The following OXCT1 variants were observed in gnomAD, a reference collection of about 807,000 sequenced individuals.
The protein encoded by OXCT1 is succinyl-CoA:3-ketoacid coenzyme A transferase 1, mitochondrial.
OXCT1 carries 27 observed loss-of-function variants against 69.6 expected under a neutral mutation model. The ratio of observed to expected loss-of-function variants is 0.39; its 90% CI spans 0.29 to 0.54. OXCT1 has a LOEUF of 0.54. Among genes scored for constraint, OXCT1 ranks in the 20% least tolerant of loss-of-function variants. The pLI, the probability that OXCT1 is intolerant of heterozygous loss-of-function variation, is 0.72. For synonymous variants in OXCT1, 202 were observed against 217.8 expected, an observed-to-expected ratio of 0.93 and a Z score of 0.64; for missense variants, 437 against 650.2, an observed-to-expected ratio of 0.67 and a Z score of 3.57.
intron 1 of OXCT1, among the ~76,000 whole-genome samples, chr5:41,866,792 G>A (rs1749999177): frequency 6.6e-6 from 1 of 152,214 alleles, no homozygotes; most frequent in African/African-American, 2.4e-5. Flanking sequence ...CTCCAATGCT[G>A]GAGGGATACT....
chr5:41,849,096 T>C (rs1319680490), intron 5 of OXCT1, among the ~76,000 whole-genome samples: 1 of 152,166 alleles, frequency 6.6e-6, no homozygotes, highest in Non-Finnish European at 1.5e-5. Flanking sequence ...TGAATCCACA[T>C]AGATCACTCT....
At chr5:41,825,940 C>G (rs141358951) in intron 7 of OXCT1, among the ~76,000 whole-genome samples, 3 of 152,262 alleles carry the variant, frequency 2.0e-5, no homozygotes, top group African/African-American at 7.2e-5. Flanking sequence ...CATCCCAAAC[C>G]AAAATATGTG....
intron 13 of OXCT1, among the ~76,000 whole-genome samples, chr5:41,786,263 G>A (rs372386219): frequency 2.6e-5 from 4 of 152,242 alleles, no homozygotes; most frequent in African/African-American, 4.8e-5. Context: ...AGAGAGGAAG[G>A]GATCAGCTTT....
intron 13 of OXCT1, among the ~76,000 whole-genome samples, chr5:41,787,919 GA>G (rs976521025): frequency 6.6e-6 from 1 of 151,884 alleles, no homozygotes; most frequent in Non-Finnish European, 1.5e-5. Context: ...CAAGCAGAAG[GA>G]AAAAAACATC....
At chr5:41,803,554 C>T (rs1482915335) in intron 9 of OXCT1, among the ~76,000 whole-genome samples, 2 of 151,972 alleles carry the variant, frequency 1.3e-5, no homozygotes, top group African/African-American at 2.4e-5. Context: ...AAGTAAAGAT[C>T]GTTTTTCATC....
chr5:41,740,056 C>T (rs182165455), intron 15 of OXCT1, among the ~76,000 whole-genome samples: 1 of 152,252 alleles, frequency 6.6e-6, no homozygotes, highest in Non-Finnish European at 1.5e-5. Flanking sequence ...TTTGTTACTA[C>T]TGCAACCAGT....
chr5:41,750,967 T>C (rs1242595151), intron 14 of OXCT1, among the ~76,000 whole-genome samples: 3 of 152,158 alleles, frequency 2.0e-5, no homozygotes, highest in Non-Finnish European at 4.4e-5. Context: ...TAAATACATA[T>C]GAAGTAAGTT....
chr5:41,810,574 T>C (rs1231283577), intron 7 of OXCT1, among the ~76,000 whole-genome samples: 1 of 152,024 alleles, frequency 6.6e-6, no homozygotes, highest in Non-Finnish European at 1.5e-5. Flanking sequence ...AACAGAAAAA[T>C]AGACACTAGG....
intron 14 of OXCT1, among the ~76,000 whole-genome samples, chr5:41,759,685 C>T (rs1744255849): frequency 6.6e-6 from 1 of 151,944 alleles, no homozygotes; most frequent in Admixed American, 6.6e-5. Context: ...AAAACAACAA[C>T]AAAAAACACA....
chr5:41,806,829 A>G (rs1003857796), intron 8 of OXCT1, among the ~76,000 whole-genome samples: 13 of 152,004 alleles, frequency 8.6e-5, no homozygotes, highest in Non-Finnish European at 1.0e-4. Context: ...GCCTTAGAAT[A>G]CCTTCAATGC....
chr5:41,781,226 C>T (rs563641071), intron 13 of OXCT1, among the ~76,000 whole-genome samples: 1 of 152,014 alleles, frequency 6.6e-6, no homozygotes, highest in Non-Finnish European at 1.5e-5. Flanking sequence ...ATCTTATTAA[C>T]CTCATCATAG....
intron 5 of OXCT1, chr5:41,843,483 C>A: frequency 2.2e-6 from 1 of 453,188 alleles, no homozygotes; most frequent in Non-Finnish European, 4.4e-6. Flanking sequence ...CATTACTGAT[C>A]TAGGGAATGC....
chr5:41,794,743 T>C lies in OXCT1; in HGVS notation c.1106A>G (p.Glu369Gly), dbSNP rs763013946. The C allele has an allele frequency of 1.2e-6, 2 of 1,613,544 alleles. No individual in the cohort carries two copies. The highest frequency in any genetic ancestry group is 1.7e-6 in the Non-Finnish European group (2 of 1,179,998). ...ADADLINAGK[E>G]TVTILPGASF... is the part of the protein sequence containing the mutation. ...GGCTCCTGGAAGAATAGTAACTGTTTCCTTGCCTAAACACACACACACACA... is the reference window on the plus strand; with the variant it reads ...GGCTCCTGGAAGAATAGTAACTGTTCCCTTGCCTAAACACACACACACACA... Residue 369 changes from glutamate to glycine, a missense_variant, in exon 12 of 17, where the codon GAA (glutamate) becomes GGA (glycine). Glu to Gly is a moderately conservative substitution (Grantham distance 98). This residue lies in a region of OXCT1 where 252 missense variants were observed against 397.4 expected (regional missense o/e 0.63). Coordinates refer to ENST00000196371, the MANE Select transcript of OXCT1 (RefSeq NM_000436.4).
chr5:41,753,235 C>G (rs2112065814), intron 14 of OXCT1, among the ~76,000 whole-genome samples: 1 of 151,888 alleles, frequency 6.6e-6, no homozygotes, highest in Admixed American at 6.6e-5. Flanking sequence ...TCATGCTCAT[C>G]TTTTCTGTTA....
chr5:41,840,732 C>T (rs758608372), intron 6 of OXCT1, among the ~76,000 whole-genome samples: 2 of 152,070 alleles, frequency 1.3e-5, no homozygotes, highest in African/African-American at 2.4e-5. Flanking sequence ...TTGTTTTGAA[C>T]AGGATTGAGG....
chr5:41,858,348 G>T (rs1486523767), intron 3 of OXCT1, among the ~76,000 whole-genome samples: 2 of 152,096 alleles, frequency 1.3e-5, no homozygotes, highest in Non-Finnish European at 1.5e-5. Context: ...ACAAGATAAA[G>T]AAAAATAGAT....
chr5:41,776,684 A>G (rs1311769638), intron 13 of OXCT1, among the ~76,000 whole-genome samples: 2 of 152,252 alleles, frequency 1.3e-5, no homozygotes, highest in African/African-American at 4.8e-5. Context: ...AACATTTACC[A>G]GAACAGAGTA....
At chr5:41,777,415 T>TA (rs546042870) in intron 13 of OXCT1, among the ~76,000 whole-genome samples, 304 of 151,700 alleles carry the variant, frequency 2.0e-3, no homozygotes, top group African/African-American at 6.1e-3. Flanking sequence ...GACTCTGTCT[T>TA]AAAAAAAACC....
chr5:41,751,722 G>A (rs947227540), intron 14 of OXCT1, among the ~76,000 whole-genome samples: 1 of 152,130 alleles, frequency 6.6e-6, no homozygotes, highest in African/African-American at 2.4e-5. Flanking sequence ...AAGTCTGACA[G>A]AGGATTATGT....
Sources: gnomAD v4.1 joint callset for allele counts (sites outside exome capture counted in the v4.1 genomes callset) on GRCh38, gnomAD v4.1.1 for gene constraint, gnomAD v4.1.1 regional missense constraint, MANE v1.5 for transcripts, NCBI Gene and HGNC (gene_info 2026-07-23, HGNC 2026-07-21) for gene names.